KDM2B: variants seen among roughly 807,000 people sequenced by gnomAD.
The protein encoded by KDM2B is lysine-specific demethylase 2B.
A neutral mutation model predicts 150.0 loss-of-function variants in KDM2B; 26 were observed. The ratio of observed to expected loss-of-function variants is 0.17; its 90% CI spans 0.13 to 0.24. The LOEUF is 0.24. KDM2B is among the 10% of genes least tolerant of loss of function. The pLI is 1.00. For synonymous variants in KDM2B, 734 were observed against 729.5 expected (o/e 1.01, Z -0.10); for missense variants, 1,265 against 1,816.9 (o/e 0.70, Z 5.52).
At chr12:121,488,827 G>A (rs11065591) in intron 12 of KDM2B, among the ~76,000 whole-genome samples, 165 of 148,554 alleles carry the variant, frequency 1.1e-3, no homozygotes, top group African/African-American at 3.8e-3. Flanking sequence ...GTTTTGAGAC[G>A]GAGTTTCGCT....
intron 11 of KDM2B, among the ~76,000 whole-genome samples, chr12:121,499,273 C>T (rs890835904): frequency 6.6e-6 from 1 of 151,304 alleles, no homozygotes. Context: ...CCATGCCCAG[C>T]TAATTTTTGT....
intron 11 of KDM2B, among the ~76,000 whole-genome samples, chr12:121,495,919 G>A (rs190467752): frequency 8.2e-4 from 124 of 151,734 alleles, no homozygotes; most frequent in African/African-American, 2.7e-3. Context: ...GCTGCTTGGC[G>A]ATCTCCCACG....
At chr12:121,491,609 A>G (rs1394227227) in intron 12 of KDM2B, among the ~76,000 whole-genome samples, 1 of 152,042 alleles carries the variant, frequency 6.6e-6, no homozygotes, top group South Asian at 2.1e-4. Context: ...CCTGGCCAAC[A>G]TGGTGAAACC....
chr12:121,507,396 A>T (rs1303188405), intron 11 of KDM2B, among the ~76,000 whole-genome samples: 1 of 152,186 alleles, frequency 6.6e-6, no homozygotes. Flanking sequence ...GGGTTGTTGG[A>T]AGGTTTCAAT....
At chr12:121,579,882 AT>A (rs1285154922) in intron 1 of KDM2B, 27 of 1,434,180 alleles carry the variant, frequency 1.9e-5, no homozygotes, top group African/African-American at 3.0e-5. Flanking sequence ...AATTTATTAT[AT>A]TTTTTTCCCG....
chr12:121,410,095 G>A, the KDM2B span, among the ~76,000 whole-genome samples: 111 of 151,952 alleles, frequency 7.3e-4, 1 homozygote, highest in Middle Eastern at 3.4e-3. Flanking sequence ...TAGAGGTTGC[G>A]GTGAGCCAAG....
chr12:121,567,591 G>A (rs1486599764), intron 4 of KDM2B, among the ~76,000 whole-genome samples: 1 of 152,062 alleles, frequency 6.6e-6, no homozygotes, highest in East Asian at 1.9e-4. Context: ...AACCACATGA[G>A]GGCAGGGAGA....
the KDM2B span, among the ~76,000 whole-genome samples, chr12:121,411,446 A>T: frequency 3.3e-5 from 5 of 152,144 alleles, no homozygotes; most frequent in African/African-American, 4.8e-5. Context: ...TGAAAAAAAA[A>T]TTTTCAGCCT....
chr12:121,502,572 G>T (rs1555302178), intron 11 of KDM2B, among the ~76,000 whole-genome samples: 5 of 151,686 alleles, frequency 3.3e-5, no homozygotes, highest in African/African-American at 1.2e-4. Context: ...AATGAGCCAA[G>T]ATCACACCAC....
At chr12:121,417,329 A>G in the KDM2B span, among the ~76,000 whole-genome samples, 1 of 152,236 alleles carries the variant, frequency 6.6e-6, no homozygotes, top group Non-Finnish European at 1.5e-5. The surrounding 1 kb of genome is among the most constrained non-coding windows in gnomAD (Gnocchi z 5.0). Flanking sequence ...TGCCTTGGCA[A>G]TGAATATTTT....
At chr12:121,420,190 T>G in the KDM2B span, 2 of 1,554,884 alleles carry the variant, frequency 1.3e-6, no homozygotes, top group Non-Finnish European at 1.8e-6. Context: ...TTTTCTCTAG[T>G]GATAAATACA....
rs182990426 is a variant in KDM2B, at chr12:121,497,557, C to G, written c.1648-2892G>C. On this transcript the variant is annotated intron_variant, in intron 11 of 22. Coordinates refer to ENST00000377071, the MANE Select transcript of KDM2B (RefSeq NM_032590.5). ...CTAGCCTCAAGTGATCCACCCGCCT[C>G]GGCCTCCCAAAGTGCTGGGATTACA... is the stretch of plus-strand genomic sequence containing the variant. Among the ~76,000 whole-genome samples, 193 of 151,352 alleles carry G rather than the reference C, an allele frequency of 1.3e-3. 2 individuals are homozygous for G. In the East Asian group the frequency reaches 0.032, roughly 25 times the overall value.
chr12:121,478,687 C>T (rs191014694), intron 12 of KDM2B, among the ~76,000 whole-genome samples: 1 of 151,304 alleles, frequency 6.6e-6, no homozygotes, highest in South Asian at 2.1e-4. Flanking sequence ...TGGGCTCAGG[C>T]TCTGTTTTTT....
intron 4 of KDM2B, among the ~76,000 whole-genome samples, chr12:121,569,487 C>G (rs1256159506): frequency 2.0e-5 from 3 of 152,174 alleles, no homozygotes; most frequent in East Asian, 3.8e-4. Context: ...TTCTCAAGAT[C>G]ATTTTGGAGC....
rs1875714617 is a variant in KDM2B, at chr12:121,444,169, T to C, written c.2294A>G (p.Lys765Arg). 6.2e-7 allele frequency: 1 copy of C among 1,612,700 alleles called. No individual in the cohort carries two copies. The highest frequency in any genetic ancestry group is 1.3e-5 in the African/African-American group (1 of 75,070). The change falls in exon 16 of 23, where the codon AAG becomes AGG. Residue 765 changes from lysine (K) to arginine (R), a missense_variant. This residue lies in a region of KDM2B where 418 missense variants were observed against 402.4 expected (regional missense o/e 1.04). Coordinates refer to ENST00000377071, the MANE Select transcript of KDM2B (RefSeq NM_032590.5). ...CGCCTCCTCACACTCACTCCTCCGC[T>C]TGGCAGGTTCCTGCCCTTCCTTGTT... ...RDNKEGQEPA[K>R]RRSECEEAPR...
At chr12:121,423,341 T>C in the KDM2B span, 2 of 1,491,404 alleles carry the variant, frequency 1.3e-6, no homozygotes, top group Non-Finnish European at 1.8e-6. The surrounding 1 kb of genome is among the most constrained non-coding windows in gnomAD (Gnocchi z 4.3). Flanking sequence ...GCTGGCTGAC[T>C]GGCCATGCCT....
chr12:121,508,492 C>G (rs376873451), intron 11 of KDM2B, among the ~76,000 whole-genome samples: 1 of 152,172 alleles, frequency 6.6e-6, no homozygotes, highest in South Asian at 2.1e-4. Context: ...TTACAGCCAC[C>G]GAAGAAGAAA....
At chr12:121,440,258 G>A (rs1014721952) in intron 21 of KDM2B, 183 bp from the exon 22 acceptor site, 1 of 601,324 alleles carries the variant, frequency 1.7e-6, no homozygotes, top group African/African-American at 1.9e-5. Context: ...TCAAAACTTA[G>A]ATTTTCAGAT....
At chr12:121,433,221 A>G (rs1211919189) in intron 22 of KDM2B, 6 of 456,496 alleles carry the variant, frequency 1.3e-5, no homozygotes, top group Non-Finnish European at 2.2e-5. Flanking sequence ...GAAGGAAAAG[A>G]CTTTCTTTGG....
Sources: gnomAD v4.1 joint callset for allele counts (sites outside exome capture counted in the v4.1 genomes callset) on GRCh38, gnomAD v4.1.1 for gene constraint, gnomAD v4.1.1 regional missense constraint, Gnocchi (gnomAD v3.1) non-coding constraint, MANE v1.5 for transcripts, NCBI Gene and HGNC (gene_info 2026-07-23, HGNC 2026-07-21) for gene names.